The following SND1 variants were observed in gnomAD, a reference collection of about 807,000 sequenced individuals.
SND1 encodes staphylococcal nuclease and tudor domain containing 1, also known as staphylococcal nuclease domain-containing protein 1.
Under a neutral mutation model 121.7 loss-of-function variants are expected in SND1, and 38 were observed. The ratio of observed to expected loss-of-function variants is 0.31; its 90% CI spans 0.24 to 0.41. The LOEUF is 0.41. SND1 is among the 10% of genes least tolerant of loss of function. The pLI is 1.00. For missense variants in SND1, 868 were observed against 1,184.6 expected (o/e 0.73, Z 3.92); for synonymous variants, 401 against 447.4 (o/e 0.90, Z 1.31).
At chr7:127,886,875 T>C (rs1799919627) in intron 12 of SND1, among the ~76,000 whole-genome samples, 1 of 150,974 alleles carries the variant, frequency 6.6e-6, no homozygotes, top group Non-Finnish European at 1.5e-5. Flanking sequence ...AAAAGATTTG[T>C]TGCATTTGAG....
At chr7:127,811,693 T>G (rs1363716857) in intron 11 of SND1, among the ~76,000 whole-genome samples, 1 of 152,236 alleles carries the variant, frequency 6.6e-6, no homozygotes, top group Non-Finnish European at 1.5e-5. Context: ...GGTTAATATA[T>G]GTAATGATAT....
At chr7:127,961,104 A>T (rs1801720399) in intron 15 of SND1, among the ~76,000 whole-genome samples, 1 of 152,222 alleles carries the variant, frequency 6.6e-6, no homozygotes, top group Non-Finnish European at 1.5e-5. Context: ...TGGACAGTGT[A>T]AATTCACTCG....
intron 10 of SND1, among the ~76,000 whole-genome samples, chr7:127,735,547 C>A (rs962633721): frequency 1.3e-5 from 2 of 151,886 alleles, no homozygotes; most frequent in East Asian, 3.9e-4. Flanking sequence ...ACCCCCATCT[C>A]TATAAAAAAG....
chr7:127,765,891 A>G (rs1228988461), intron 10 of SND1, among the ~76,000 whole-genome samples: 1 of 152,198 alleles, frequency 6.6e-6, no homozygotes, highest in Non-Finnish European at 1.5e-5. Context: ...TTTATGTGGC[A>G]TTCACATTTT....
At chr7:127,855,392 T>C (rs1799255647) in intron 12 of SND1, among the ~76,000 whole-genome samples, 1 of 152,310 alleles carries the variant, frequency 6.6e-6, no homozygotes, top group East Asian at 1.9e-4. Context: ...GATTATATCA[T>C]GAGCCACTGC....
intron 16 of SND1, among the ~76,000 whole-genome samples, chr7:128,003,757 T>C (rs569167325): frequency 6.6e-6 from 1 of 152,316 alleles, no homozygotes; most frequent in African/African-American, 2.4e-5. Flanking sequence ...AATTTTAGAA[T>C]AGGGTCACTT....
At chr7:127,817,104 G>T (rs1584594763) in intron 11 of SND1, among the ~76,000 whole-genome samples, 1 of 152,138 alleles carries the variant, frequency 6.6e-6, no homozygotes, top group East Asian at 1.9e-4. Context: ...GTGCAGTAAG[G>T]ATGAATAAAA....
rs150530967 is a variant in SND1, at chr7:127,812,540, T to C, written c.1242+4967T>C. Among the ~76,000 whole-genome samples the C allele has an allele frequency of 3.5e-3, 531 of 152,346 alleles. 3 individuals carry two copies. The highest frequency in any genetic ancestry group is 0.012 in the African/African-American group (486 of 41,570). ...ATTCGCTTGGCATAGGTGTGACTTC[T>C]GGGAGCATCAGGGAGAAAGGAAGGA... is the stretch of plus-strand genomic sequence containing the variant. On this transcript the variant is annotated intron_variant, in intron 11 of 23. Transcript: ENST00000354725.
intron 1 of SND1, among the ~76,000 whole-genome samples, chr7:127,657,671 TC>T (rs1795234839): frequency 7.7e-6 from 1 of 130,560 alleles, no homozygotes; most frequent in East Asian, 2.0e-4. Context: ...AATCTTTTAT[TC>T]TTTTTTGTAG....
intron 10 of SND1, among the ~76,000 whole-genome samples, chr7:127,761,083 A>C (rs999179369): frequency 6.6e-6 from 1 of 152,186 alleles, no homozygotes; most frequent in Non-Finnish European, 1.5e-5. Context: ...TTTTCATCAC[A>C]TCTCCATATG....
intron 14 of SND1, among the ~76,000 whole-genome samples, chr7:127,923,986 C>CTT (rs60504299): frequency 1.2e-4 from 18 of 147,070 alleles, no homozygotes; most frequent in Middle Eastern, 3.5e-3. Context: ...GATCTCCACA[C>CTT]TTTTTTTTTT....
At chr7:128,087,088 T>G (rs1436369559) in intron 21 of SND1, 37 bp downstream of exon 21, 1 of 1,518,652 alleles carries the variant, frequency 6.6e-7, no homozygotes, top group East Asian at 2.3e-5. Context: ...AAGGGGACTA[T>G]CCACTGACAC....
At chr7:127,981,169 C>A (rs1010482075) in intron 15 of SND1, among the ~76,000 whole-genome samples, 1 of 152,094 alleles carries the variant, frequency 6.6e-6, no homozygotes, top group Non-Finnish European at 1.5e-5. Flanking sequence ...TCATTCAGAA[C>A]ACTGCAGCTC....
In SND1 at chr7:128,076,418, C is replaced by T. The variant is rs77653680; in HGVS notation, c.1968+1728C>T. Among the ~76,000 whole-genome samples the T allele has an allele frequency of 4.8e-3, 738 of 152,296 alleles. 10 individuals are homozygous for T. The highest frequency in any genetic ancestry group is 0.017 in the African/African-American group (702 of 41,554). On this transcript the variant is annotated intron_variant, in intron 17 of 23. Transcript: ENST00000354725. Reference sequence around the variant, plus strand: ...CACAACTCTCAGTGCTAGGGCCTGCCGCCTCCTGGGTCCCTCTCCTGCAAA... The same window carrying T: ...CACAACTCTCAGTGCTAGGGCCTGCTGCCTCCTGGGTCCCTCTCCTGCAAA...
chr7:127,949,051 T>C (rs1801399577), intron 15 of SND1: 1 of 152,222 alleles, frequency 6.6e-6, no homozygotes, highest in Admixed American at 6.5e-5. Context: ...CAATACTGCT[T>C]ATGTGCAGTG....
chr7:127,832,431 C>T (rs950887448), intron 11 of SND1, among the ~76,000 whole-genome samples: 1 of 152,156 alleles, frequency 6.6e-6, no homozygotes, highest in African/African-American at 2.4e-5. Flanking sequence ...TGGACAAAAG[C>T]ACAGACAACA....
chr7:128,055,019 G>T (rs1793112385), intron 16 of SND1, among the ~76,000 whole-genome samples: 1 of 152,164 alleles, frequency 6.6e-6, no homozygotes, highest in Non-Finnish European at 1.5e-5. Flanking sequence ...CCGATCTATT[G>T]GCCTGCAGGA....
At chr7:127,843,439 T>G (rs760344053) in intron 11 of SND1, among the ~76,000 whole-genome samples, 1 of 152,186 alleles carries the variant, frequency 6.6e-6, no homozygotes, top group Non-Finnish European at 1.5e-5. Flanking sequence ...CCACTGATAT[T>G]TTTATTGTCT....
chr7:127,989,753 A>G (rs1802479721), intron 15 of SND1, among the ~76,000 whole-genome samples: 1 of 152,224 alleles, frequency 6.6e-6, no homozygotes, highest in Admixed American at 6.5e-5. Flanking sequence ...TCTCTAGCCC[A>G]GTTCCACTTT....
Sources: gnomAD v4.1 joint callset for allele counts (sites outside exome capture counted in the v4.1 genomes callset) on GRCh38, gnomAD v4.1.1 for gene constraint, MANE v1.5 for transcripts, NCBI Gene and HGNC (gene_info 2026-07-23, HGNC 2026-07-21) for gene names.